Variants in TCF20 observed in about 807,000 individuals in gnomAD.
TCF20 encodes SPRE-binding protein.
In TCF20, 3 loss-of-function variants were observed where a neutral mutation model predicts 148.6. That is an observed-to-expected ratio of 0.02 (90% CI 0.01 to 0.05). TCF20 has a LOEUF of 0.05. TCF20 is among the 10% of genes least tolerant of loss of function. The probability of loss-of-function intolerance (pLI) is 1.00; values close to 1 mark genes in which losing one functional copy is unlikely to be tolerated. For synonymous variants in TCF20, 1,049 were observed against 909.5 expected (o/e 1.15, Z -2.76); for missense variants, 2,350 against 2,429.3 (o/e 0.97, Z 0.69).
chr22:42,206,929 C>T (rs554826365), intron 2 of TCF20, among the ~76,000 whole-genome samples: 233 of 152,238 alleles, frequency 1.5e-3, no homozygotes, highest in Non-Finnish European at 3.0e-3. Flanking sequence ...GCAAGATAAA[C>T]TCATGACACC....
In TCF20 at chr22:42,214,355, T is replaced by TTGC. The variant is rs767100749; in HGVS notation, c.948_950dup (p.Gln317dup). Reference sequence around the variant, plus strand: ...GAGAAGGGTGTTGTTGTTGCTGCGGTTGCTGCTGCTGCTGCCCCTGTTGGG... The same window carrying TTGC: ...GAGAAGGGTGTTGTTGTTGCTGCGGTTGCTGCTGCTGCTGCTGCCCCTGTTGGG... On this transcript the variant is annotated inframe_insertion, in exon 2 of 6. Transcript: ENST00000677622. The TTGC allele has an allele frequency of 1.3e-5, 21 of 1,614,104 alleles. No homozygotes were observed. Among genetic ancestry groups the TTGC allele is most frequent in the Non-Finnish European group, 1.8e-5 (21 of 1,180,036 alleles).
chr22:42,290,570 A>T lies in TCF20; in HGVS notation c.-37+52909T>A, dbSNP rs1927115171. Among the ~76,000 whole-genome samples the T allele has an allele frequency of 6.6e-6, 1 of 151,888 alleles. No individual in the cohort carries two copies. ...CCCTCTCCCCACAGTGTGGCCTGTG[A>T]TATTAGAGCCAAGGGCAGGCTGGGA... On this transcript the variant is annotated intron_variant, in intron 1 of 1. Coordinates refer to the TCF20 transcript ENST00000515426. This position sits in a 1 kb window ranked among gnomAD's most constrained non-coding sequence, Gnocchi z 4.2.
At chr22:42,219,887 T>C (rs1296401754) in intron 1 of TCF20, among the ~76,000 whole-genome samples, 3 of 152,122 alleles carry the variant, frequency 2.0e-5, no homozygotes, top group Non-Finnish European at 2.9e-5. Context: ...CCTACCGATG[T>C]ACTTCCCATC....
At position 42,270,626 on chromosome 22, in the gene TCF20, T is replaced by C. The variant is rs1291025996; in HGVS notation, c.-324A>G. On this transcript the variant is annotated 5_prime_UTR_variant, in exon 1 of 6. Transcript: ENST00000677622. ...GCGGCTGGGCTCGGGGTTTTTTCTCTCCATTCTCCCAACACACAGGAAATA... is the reference window on the plus strand; with the variant it reads ...GCGGCTGGGCTCGGGGTTTTTTCTCCCCATTCTCCCAACACACAGGAAATA... Among the ~76,000 whole-genome samples the C allele has an allele frequency of 2.9e-5, 4 of 138,426 alleles. No homozygotes were observed. The highest frequency in any genetic ancestry group is 6.3e-5 in the Non-Finnish European group (4 of 63,852). 90.8% of individuals were successfully genotyped at this position (138,426 alleles called of 152,430 possible). A position where few individuals can be genotyped will look rare whatever the true frequency, so the allele number is the denominator to read the frequency against.
In TCF20 at chr22:42,246,573, C is replaced by G. The variant is rs60647955; in HGVS notation, c.-37+23766G>C. 4.6e-3 allele frequency among the ~76,000 whole-genome samples: 694 copies of G among 152,318 alleles called. 4 individuals are homozygous for G. The highest frequency in any genetic ancestry group is 0.015 in the African/African-American group (607 of 41,554). ...TTTTTCTCTACCTCTAAAATGATTG[C>G]TTGTTCATGTGTTCAATGCACCGTA... On this transcript the variant is annotated intron_variant, in intron 1 of 5. Transcript: ENST00000677622.
At chr22:42,221,948 C>T (rs934608606) in intron 1 of TCF20, among the ~76,000 whole-genome samples, 5 of 151,892 alleles carry the variant, frequency 3.3e-5, no homozygotes, top group African/African-American at 1.2e-4. Flanking sequence ...CCGTGTTAGC[C>T]AGGATGGTCT....
chr22:42,176,378 A>AG (rs57379598), intron 3 of TCF20, among the ~76,000 whole-genome samples: 11,898 of 151,882 alleles, frequency 0.078, 521 homozygotes, highest in South Asian at 0.11. Context: ...GCTGGAAGGA[A>AG]GGGGGGGGCA....
intron 1 of TCF20, among the ~76,000 whole-genome samples, chr22:42,256,488 T>TA (rs397948797): frequency 2.6e-5 from 4 of 151,838 alleles, no homozygotes; most frequent in South Asian, 4.1e-4. Flanking sequence ...TTTTTTTTTT[T>TA]AAAGAGACAT....
intron 5 of TCF20, among the ~76,000 whole-genome samples, chr22:42,167,915 C>CA (rs562092211): frequency 3.9e-4 from 58 of 148,684 alleles, no homozygotes; most frequent in African/African-American, 1.3e-3. Flanking sequence ...TTAATGTAGA[C>CA]ACAGGGTCTC....
At chr22:42,221,473 T>C (rs1379300954) in intron 1 of TCF20, among the ~76,000 whole-genome samples, 1 of 152,180 alleles carries the variant, frequency 6.6e-6, no homozygotes, top group Non-Finnish European at 1.5e-5. Flanking sequence ...TTCTTCTCAT[T>C]CCTAGGATTT....
At chr22:42,177,133 C>T (rs1989375) in intron 3 of TCF20, among the ~76,000 whole-genome samples, 1 of 151,790 alleles carries the variant, frequency 6.6e-6, no homozygotes, top group African/African-American at 2.4e-5. Context: ...AAGTAAAAAA[C>T]GCTGGGCGCG....
chr22:42,336,307 C>T (rs1479619748), intron 1 of TCF20, among the ~76,000 whole-genome samples: 1 of 152,088 alleles, frequency 6.6e-6, no homozygotes, highest in African/African-American at 2.4e-5. Context: ...CAGACAGCCT[C>T]TCTCTCTCCA....
At chr22:42,295,077 C>A (rs576259613) in intron 1 of TCF20, among the ~76,000 whole-genome samples, 1 of 152,318 alleles carries the variant, frequency 6.6e-6, no homozygotes, top group South Asian at 2.1e-4. Context: ...GTGATGAACC[C>A]CCACTGCCAC....
At chr22:42,168,114 G>A (rs957491063) in intron 5 of TCF20, among the ~76,000 whole-genome samples, 1 of 151,996 alleles carries the variant, frequency 6.6e-6, no homozygotes, top group African/African-American at 2.4e-5. Context: ...TCTGCAAAAA[G>A]GAATCCTTCA....
chr22:42,232,805 GAA>G (rs373162435), intron 1 of TCF20, among the ~76,000 whole-genome samples: 41 of 131,392 alleles, frequency 3.1e-4, no homozygotes, highest in East Asian at 9.0e-4. Flanking sequence ...TCTCCAAAAA[GAA>G]AAAAAAAAAA....
At chr22:42,161,967 A>T (rs1935487759) in intron 5 of TCF20, among the ~76,000 whole-genome samples, 1 of 119,854 alleles carries the variant, frequency 8.3e-6, no homozygotes, top group Non-Finnish European at 1.6e-5. Context: ...TTGGCTAATG[A>T]CAGTCTTTTT....
In TCF20 at chr22:42,292,541, G is replaced by A. The variant is rs1365258347; in HGVS notation, c.-37+50938C>T. On this transcript the variant is annotated intron_variant, in intron 1 of 1. Transcript: ENST00000515426. This position sits in a 1 kb window ranked among gnomAD's most constrained non-coding sequence, Gnocchi z 4.9. ...CTGGCCCTCAATGAGGTAACATCCT[G>A]CGTGTCAACTGTAACCAAGGTAGGT... is the stretch of plus-strand genomic sequence containing the variant. Among the ~76,000 whole-genome samples, 1 of 152,208 alleles carries A rather than the reference G, an allele frequency of 6.6e-6. No individual in the cohort carries two copies. Among genetic ancestry groups the A allele is most frequent in the Non-Finnish European group, 1.5e-5 (1 of 68,028 alleles).
intron 2 of TCF20, among the ~76,000 whole-genome samples, chr22:42,200,175 T>C (rs2147160618): frequency 6.6e-6 from 1 of 152,332 alleles, no homozygotes; most frequent in South Asian, 2.1e-4. Flanking sequence ...TATTTTCTTG[T>C]CTAATACATA....
intron 1 of TCF20, among the ~76,000 whole-genome samples, chr22:42,320,669 A>C (rs997716868): frequency 1.3e-5 from 2 of 152,194 alleles, no homozygotes; most frequent in Non-Finnish European, 2.9e-5. Flanking sequence ...GAGGGGACTG[A>C]TGTGGGGATG....
Sources: allele counts gnomAD v4.1 joint callset (sites outside exome capture counted in the v4.1 genomes callset), GRCh38; gene constraint gnomAD v4.1.1; non-coding constraint Gnocchi (gnomAD v3.1); transcripts MANE v1.5; gene names NCBI Gene and HGNC (gene_info 2026-07-23, HGNC 2026-07-21).